The following ADK variants were observed in gnomAD, a reference collection of about 807,000 sequenced individuals.
ADK encodes N6,N6-dimethyladenosine kinase.
A neutral mutation model predicts 44.7 loss-of-function variants in ADK; 24 were observed. That is an observed-to-expected ratio of 0.54 (90% CI 0.39 to 0.76). The LOEUF is 0.76. Among genes scored for constraint, ADK ranks in the 30% least tolerant of loss-of-function variants. ADK has a pLI of 0.00. For missense variants in ADK, 321 were observed against 425.1 expected (o/e 0.76, Z 2.15); for synonymous variants, 128 against 142.6 (o/e 0.90, Z 0.73).
intron 10 of ADK, among the ~76,000 whole-genome samples, chr10:74,700,312 G>A (rs1045222502): frequency 5.3e-5 from 8 of 152,098 alleles, no homozygotes; most frequent in East Asian, 1.9e-4. Flanking sequence ...GCGTGATCTC[G>A]GCTCACTGCA....
chr10:74,620,747 G>C (rs1852965631), intron 9 of ADK, among the ~76,000 whole-genome samples: 1 of 152,024 alleles, frequency 6.6e-6, no homozygotes, highest in Admixed American at 6.6e-5. Flanking sequence ...ACTGGAGTGA[G>C]ATGATACCTC....
At chr10:74,315,404 A>G (rs770658141) in intron 4 of ADK, among the ~76,000 whole-genome samples, 1 of 152,090 alleles carries the variant, frequency 6.6e-6, no homozygotes, top group Non-Finnish European at 1.5e-5. Flanking sequence ...CTCTATTCCC[A>G]TATCTTCCAA....
chr10:74,453,875 G>A (rs1278997954), intron 6 of ADK, among the ~76,000 whole-genome samples: 1 of 148,814 alleles, frequency 6.7e-6, no homozygotes, highest in African/African-American at 2.4e-5. Context: ...AGAATAATAA[G>A]AATTGAATCT....
chr10:74,416,570 G>T (rs1235128837), intron 6 of ADK, among the ~76,000 whole-genome samples: 1 of 147,172 alleles, frequency 6.8e-6, no homozygotes, highest in Non-Finnish European at 1.5e-5. Flanking sequence ...TTTTGTTTCT[G>T]TTTTTTTTTT....
Position 74,709,179 on chromosome 10 carries a change from C to A in ADK, c.*734C>A, listed in dbSNP as rs1792500923. 6.6e-6 allele frequency: 1 copy of A among 152,192 alleles called. No homozygotes were observed. Among genetic ancestry groups the A allele is most frequent in the South Asian group, 2.1e-4 (1 of 4,834 alleles). 9.4% of individuals were successfully genotyped at this position (152,192 alleles called of 1,614,324 possible). A position where few individuals can be genotyped will look rare whatever the true frequency, so the allele number is the denominator to read the frequency against. ...GAGGAAGAAAGATCATTATTTAATA[C>A]TGGGCCCTGAAATGACACCCAATTT... is the stretch of plus-strand genomic sequence containing the variant. On this transcript the variant is annotated 3_prime_UTR_variant, in exon 11 of 11. Transcript: ENST00000539909.
intron 7 of ADK, among the ~76,000 whole-genome samples, chr10:74,526,471 C>A (rs905271879): frequency 6.6e-6 from 1 of 152,124 alleles, no homozygotes; most frequent in African/African-American, 2.4e-5. Context: ...TTAATGTATA[C>A]AATGAAGGTA....
chr10:74,528,164 T>G, intron 7 of ADK: 1 of 968,610 alleles, frequency 1.0e-6, no homozygotes, highest in Non-Finnish European at 1.5e-6. Context: ...AAGTTTCACT[T>G]GTTTCTCAGT....
intron 1 of ADK, among the ~76,000 whole-genome samples, chr10:74,197,260 C>T (rs1476314565): frequency 2.0e-5 from 3 of 152,158 alleles, no homozygotes; most frequent in South Asian, 2.1e-4. Context: ...AGATGACAGA[C>T]ACACAATTCC....
chr10:74,648,330 TAAGTA>T (rs1854126122), intron 9 of ADK, among the ~76,000 whole-genome samples: 1 of 152,296 alleles, frequency 6.6e-6, no homozygotes, highest in East Asian at 1.9e-4. Context: ...GGTATCTATA[TAAGTA>T]AATATAAAAA....
At chr10:74,536,524 T>C (rs1262996090) in intron 7 of ADK, among the ~76,000 whole-genome samples, 9 of 151,932 alleles carry the variant, frequency 5.9e-5, no homozygotes, top group African/African-American at 2.2e-4. Flanking sequence ...ATTTTAACTA[T>C]TTTTAAGTGT....
chr10:74,325,071 A>G (rs1840960460), intron 4 of ADK, among the ~76,000 whole-genome samples: 1 of 152,200 alleles, frequency 6.6e-6, no homozygotes, highest in African/African-American at 2.4e-5. Flanking sequence ...TTGAATCTGT[A>G]GATCACTTTG....
At chr10:74,506,023 T>C (rs1337457497) in intron 6 of ADK, 1 of 152,266 alleles carries the variant, frequency 6.6e-6, no homozygotes, top group Non-Finnish European at 1.5e-5. Context: ...TTTCTAAAAA[T>C]GTCAAGCCAT....
chr10:74,573,034 C>T lies in ADK; in HGVS notation c.727-16248C>T, dbSNP rs180966679. Among the ~76,000 whole-genome samples the T allele has an allele frequency of 1.3e-3, 193 of 152,318 alleles. 3 individuals are homozygous for T. In the East Asian group the frequency reaches 0.029, roughly 23 times the overall value. ...AGTCATTCTCCATCCAGCTTTGTTC[C>T]GTTGCTGCTGAGGAGCTGCGTTCCT... On this transcript the variant is annotated intron_variant, in intron 7 of 10. Transcript: ENST00000539909.
At chr10:74,421,551 T>C (rs1176696833) in intron 6 of ADK, among the ~76,000 whole-genome samples, 1 of 152,176 alleles carries the variant, frequency 6.6e-6, no homozygotes, top group African/African-American at 2.4e-5. Context: ...CCTAGCTGTG[T>C]TTACTGAGAA....
chr10:74,244,941 G>A (rs1845360749), intron 3 of ADK, among the ~76,000 whole-genome samples: 1 of 152,194 alleles, frequency 6.6e-6, no homozygotes, highest in African/African-American at 2.4e-5. Flanking sequence ...GATTTAGCCA[G>A]CTCTTAAAAG....
At position 74,648,980 on chromosome 10, in the gene ADK, G is replaced by A. The variant is rs182768159; in HGVS notation, c.878-21203G>A. Among the ~76,000 whole-genome samples, 336 of 152,160 alleles carry A rather than the reference G, an allele frequency of 2.2e-3. 2 individuals carry two copies. Among genetic ancestry groups the A allele is most frequent in the African/African-American group, 7.8e-3 (325 of 41,524 alleles). On this transcript the variant is annotated intron_variant, in intron 9 of 10. Transcript: ENST00000539909. ...GCGGATTACGACGTCAGGAGATCAA[G>A]ACCATCCTGGCCAACATGGTGAAAC...
At chr10:74,517,655 C>T (rs1326226727) in intron 6 of ADK, among the ~76,000 whole-genome samples, 2 of 149,834 alleles carry the variant, frequency 1.3e-5, no homozygotes, top group African/African-American at 2.5e-5. Flanking sequence ...CACCACTGCA[C>T]TCTAGTCTAG....
chr10:74,639,359 A>G (rs928757103), intron 9 of ADK, among the ~76,000 whole-genome samples: 2 of 152,230 alleles, frequency 1.3e-5, no homozygotes, highest in Admixed American at 1.3e-4. Context: ...GTCTGGGAGC[A>G]TCTACATGTG....
chr10:74,244,320 A>G (rs1845335000), intron 3 of ADK, among the ~76,000 whole-genome samples: 1 of 152,234 alleles, frequency 6.6e-6, no homozygotes, highest in Non-Finnish European at 1.5e-5. Flanking sequence ...TAAGTAGGAA[A>G]AATGAATATA....
Sources: gnomAD v4.1 joint callset for allele counts (sites outside exome capture counted in the v4.1 genomes callset) on GRCh38, gnomAD v4.1.1 for gene constraint, MANE v1.5 for transcripts, NCBI Gene and HGNC (gene_info 2026-07-23, HGNC 2026-07-21) for gene names.